VCAN: variants seen among roughly 807,000 people sequenced by gnomAD.
The protein encoded by VCAN is versican.
In VCAN, 44 loss-of-function variants were observed where a neutral mutation model predicts 245.5. The ratio of observed to expected loss-of-function variants is 0.18; its 90% CI spans 0.14 to 0.23. The LOEUF (loss-of-function observed/expected upper bound fraction) is 0.23, where lower values mean the gene tolerates loss of function less well. Among genes scored for constraint, VCAN ranks in the 10% least tolerant of loss-of-function variants. VCAN has a pLI of 1.00. For missense variants in VCAN, 3,793 were observed against 4,057.9 expected (o/e 0.93, Z 1.77); for synonymous variants, 1,413 against 1,437.0 (o/e 0.98, Z 0.38).
chr5:83,516,028 C>G (rs568723421), intron 6 of VCAN, among the ~76,000 whole-genome samples: 63 of 152,272 alleles, frequency 4.1e-4, no homozygotes, highest in East Asian at 7.7e-4. Context: ...GTCAGGAGAT[C>G]GAGACCATCC....
chr5:83,518,352 G>C (rs1380484961), intron 6 of VCAN, among the ~76,000 whole-genome samples: 2 of 152,130 alleles, frequency 1.3e-5, no homozygotes, highest in Non-Finnish European at 2.9e-5. Context: ...TCTTTCAACA[G>C]GCCAGGCCAT....
At chr5:83,570,023 G>A (rs879342844) in intron 12 of VCAN, among the ~76,000 whole-genome samples, 5 of 151,770 alleles carry the variant, frequency 3.3e-5, no homozygotes, top group Non-Finnish European at 5.9e-5. Flanking sequence ...GGATGATAAG[G>A]GAAATGAGCA....
At chr5:83,558,517 A>G (rs1747755173) in intron 12 of VCAN, among the ~76,000 whole-genome samples, 1 of 152,244 alleles carries the variant, frequency 6.6e-6, no homozygotes, top group East Asian at 1.9e-4. Context: ...TATTTACCTT[A>G]AAGTGTCTTT....
At chr5:83,559,044 C>G (rs1747769404) in intron 12 of VCAN, among the ~76,000 whole-genome samples, 2 of 152,124 alleles carry the variant, frequency 1.3e-5, no homozygotes, top group Admixed American at 1.3e-4. Context: ...CGATTGTTCT[C>G]TATAGCAAAA....
At chr5:83,495,840 C>T (rs1278098661) in intron 5 of VCAN, among the ~76,000 whole-genome samples, 1 of 152,040 alleles carries the variant, frequency 6.6e-6, no homozygotes. Flanking sequence ...ATAAGCATCC[C>T]AAGCCAGATT....
At chr5:83,523,862 C>A (rs181192310) in intron 7 of VCAN, among the ~76,000 whole-genome samples, 1 of 151,770 alleles carries the variant, frequency 6.6e-6, no homozygotes, top group East Asian at 1.9e-4. Context: ...ATGAGGATTG[C>A]GTTAGGCTGG....
At chr5:83,550,971 G>T (rs1164536975) in intron 10 of VCAN, among the ~76,000 whole-genome samples, 5 of 147,408 alleles carry the variant, frequency 3.4e-5, no homozygotes, top group South Asian at 2.1e-4. Context: ...ACTCTAAGTG[G>T]TTTTTGCAGA....
intron 12 of VCAN, among the ~76,000 whole-genome samples, chr5:83,557,876 A>G (rs1413792039): frequency 1.3e-5 from 2 of 152,154 alleles, no homozygotes; most frequent in Non-Finnish European, 2.9e-5. Context: ...CAGTTTGAAG[A>G]AGACACATGA....
intron 1 of VCAN, among the ~76,000 whole-genome samples, chr5:83,475,139 G>A (rs1038526472): frequency 6.6e-6 from 1 of 152,170 alleles, no homozygotes; most frequent in Admixed American, 6.5e-5. Context: ...TTTCATGGGG[G>A]CAAACATGGA....
At chr5:83,482,083 T>C (rs1744634554) in intron 1 of VCAN, among the ~76,000 whole-genome samples, 1 of 152,200 alleles carries the variant, frequency 6.6e-6, no homozygotes, top group Non-Finnish European at 1.5e-5. Flanking sequence ...ATTTATAATC[T>C]CATATAAAAT....
intron 5 of VCAN, among the ~76,000 whole-genome samples, chr5:83,504,850 G>A (rs181661797): frequency 6.6e-6 from 1 of 152,206 alleles, no homozygotes; most frequent in East Asian, 1.9e-4. Flanking sequence ...GGTTTAATTG[G>A]ACTTACAGTT....
Position 83,538,917 on chromosome 5 carries a change from T to C in VCAN, c.5914T>C (p.Ser1972Pro). Residue 1972 changes from serine to proline, a missense_variant, in exon 8 of 15, where the codon TCT becomes CCT. Ser to Pro is a moderately conservative substitution (Grantham distance 74). Coordinates refer to ENST00000265077, the MANE Select transcript of VCAN (RefSeq NM_004385.5). ...AAFRDTQTSP[S>P]TVPTSVHISH... ...ATTTAGGGACACCCAGACTTCACCA[T>C]CTACAGTACCTACTTCAGTTCACAT... is the stretch of plus-strand genomic sequence containing the variant. 1 of 1,614,000 alleles carries C rather than the reference T, an allele frequency of 6.2e-7. No homozygotes were observed. The highest frequency in any genetic ancestry group is 8.5e-7 in the Non-Finnish European group (1 of 1,179,952).
At chr5:83,580,235 G>T in intron 14 of VCAN, 72 bp from the exon 15 acceptor site, 1 of 1,613,672 alleles carries the variant, frequency 6.2e-7, no homozygotes, top group Admixed American at 1.7e-5. Context: ...TACGGCTGTG[G>T]TATCGGCAGT....
chr5:83,494,012 T>C, intron 5 of VCAN, 81 bp downstream of exon 5: 1 of 1,604,442 alleles, frequency 6.2e-7, no homozygotes, highest in South Asian at 1.1e-5. Flanking sequence ...ATAGAGCAAG[T>C]CTTCGTGCTT....
At chr5:83,546,323 G>A (rs1377914214) in intron 9 of VCAN, among the ~76,000 whole-genome samples, 1 of 151,956 alleles carries the variant, frequency 6.6e-6, no homozygotes, top group Non-Finnish European at 1.5e-5. Context: ...ATGTTGTCCA[G>A]ATGTCCCTTT....
chr5:83,479,580 TTA>T (rs1744542653), intron 1 of VCAN, among the ~76,000 whole-genome samples: 1 of 152,204 alleles, frequency 6.6e-6, no homozygotes, highest in South Asian at 2.1e-4. Context: ...GACAGAGTTG[TTA>T]TCACTAGTAG....
chr5:83,508,889 C>T (rs889257043), intron 5 of VCAN, among the ~76,000 whole-genome samples: 1 of 152,110 alleles, frequency 6.6e-6, no homozygotes, highest in African/African-American at 2.4e-5. Flanking sequence ...GTGGTGCCTG[C>T]GTGTAGTCCC....
rs1358905677 is a variant in VCAN, at chr5:83,535,206, C to CA, written c.4004-1800dup. Among the ~76,000 whole-genome samples, 3 of 151,880 alleles carry CA rather than the reference C, an allele frequency of 2.0e-5. No homozygotes were observed. The East Asian group carries it at 5.8e-4, about 29-fold the overall frequency. Reference sequence around the variant, plus strand: ...ATATTTTCTCATTTATTTGAATACCCATATGCTGTAGTTTAAGTAGTTGAA... The same window carrying CA: ...ATATTTTCTCATTTATTTGAATACCCAATATGCTGTAGTTTAAGTAGTTGAA... On this transcript the variant is annotated intron_variant, in intron 7 of 14. Transcript: ENST00000265077.
chr5:83,539,915 G>T lies in VCAN; in HGVS notation c.6912G>T (p.Met2304Ile). The T allele has an allele frequency of 6.2e-7, 1 of 1,614,070 alleles. No individual in the cohort carries two copies. Among genetic ancestry groups the T allele is most frequent in the Non-Finnish European group, 8.5e-7 (1 of 1,179,982 alleles). ...ACAAAATTGAAGACTTTAACAGAAT[G>T]GAAAATGTGGCAAAAGAAGTTGGAC... is the stretch of plus-strand genomic sequence containing the variant. ...SSDKIEDFNR[M>I]ENVAKEVGPL... is the part of the protein sequence containing the mutation. Residue 2304 changes from methionine (M) to isoleucine (I), a missense_variant, in exon 8 of 15, where the codon ATG (methionine) becomes ATT (isoleucine). Physicochemically the swap from Met to Ile is conservative, Grantham distance 10. This residue lies in a region of VCAN where 3,182 missense variants were observed against 3,250.3 expected (regional missense o/e 0.98). Transcript: ENST00000265077.
Sources: gnomAD v4.1 joint callset for allele counts (sites outside exome capture counted in the v4.1 genomes callset) on GRCh38, gnomAD v4.1.1 for gene constraint, gnomAD v4.1.1 regional missense constraint, MANE v1.5 for transcripts, NCBI Gene and HGNC (gene_info 2026-07-23, HGNC 2026-07-21) for gene names.